ZFHX3: variants seen among roughly 807,000 people sequenced by gnomAD.
ZFHX3 encodes the protein zinc finger homeobox 3, also known as zinc finger homeobox protein 3.
A neutral mutation model predicts 279.1 loss-of-function variants in ZFHX3; 42 were observed. That is an observed-to-expected ratio of 0.15 (90% CI 0.12 to 0.19). The LOEUF (loss-of-function observed/expected upper bound fraction) is 0.19, where lower values mean the gene tolerates loss of function less well. Ranked by LOEUF, ZFHX3 falls within the 10% of genes least tolerant of loss-of-function variation. The pLI is 1.00. For missense variants in ZFHX3, 4,981 were observed against 4,754.0 expected (o/e 1.05, Z -1.40); for synonymous variants, 2,293 against 1,957.8 (o/e 1.17, Z -4.52).
chr16:73,555,304 G>A (rs1042280176), intron 2 of ZFHX3, among the ~76,000 whole-genome samples: 2 of 151,882 alleles, frequency 1.3e-5, no homozygotes, highest in Non-Finnish European at 2.9e-5. Context: ...ACAGGCACCC[G>A]CCACCACACC....
chr16:73,559,044 T>TG (rs1555524768), intron 2 of ZFHX3, among the ~76,000 whole-genome samples: 30 of 149,482 alleles, frequency 2.0e-4, no homozygotes, highest in East Asian at 9.9e-4. Context: ...ACTCCTCTTT[T>TG]TGTGTGTGTG....
chr16:73,699,851 A>G (rs1166619315), intron 1 of ZFHX3, among the ~76,000 whole-genome samples: 1 of 152,190 alleles, frequency 6.6e-6, no homozygotes, highest in African/African-American at 2.4e-5. Flanking sequence ...GAGACAGAAA[A>G]AGACCACAGG....
At chr16:72,807,748 C>T (rs1471572634) in intron 7 of ZFHX3, 3 of 152,062 alleles carry the variant, frequency 2.0e-5, no homozygotes, top group African/African-American at 4.8e-5. Flanking sequence ...CTGTAAATAC[C>T]CCGGACACAC....
At chr16:73,705,398 C>T (rs910183451) in intron 1 of ZFHX3, among the ~76,000 whole-genome samples, 1 of 152,116 alleles carries the variant, frequency 6.6e-6, no homozygotes, top group African/African-American at 2.4e-5. Flanking sequence ...GCAAAGTAAA[C>T]CCCAAAGGCC....
intron 4 of ZFHX3, among the ~76,000 whole-genome samples, chr16:73,273,557 C>G (rs2014210113): frequency 6.6e-6 from 1 of 152,122 alleles, no homozygotes; most frequent in Non-Finnish European, 1.5e-5. Context: ...ACGCAAAGGA[C>G]TCATACTGAA....
At chr16:72,810,805 A>G (rs915887047) in intron 7 of ZFHX3, among the ~76,000 whole-genome samples, 1 of 152,150 alleles carries the variant, frequency 6.6e-6, no homozygotes, top group African/African-American at 2.4e-5. Context: ...CTCCTTACAA[A>G]TGGCATCAAG....
chr16:72,836,466 A>G (rs1050451833), intron 4 of ZFHX3, among the ~76,000 whole-genome samples: 2 of 152,228 alleles, frequency 1.3e-5, no homozygotes, highest in Non-Finnish European at 2.9e-5. Flanking sequence ...CTTCTGGGTA[A>G]CAATGCCCTG....
chr16:73,654,853 A>ATT, intron 2 of ZFHX3, among the ~76,000 whole-genome samples: 1 of 89,504 alleles, frequency 1.1e-5, no homozygotes, highest in Non-Finnish European at 2.1e-5. Context: ...GATAGTAATC[A>ATT]CTTTTTTTTT....
chr16:72,837,493 T>C (rs991090370), intron 4 of ZFHX3, among the ~76,000 whole-genome samples: 22 of 151,100 alleles, frequency 1.5e-4, no homozygotes, highest in Non-Finnish European at 2.9e-4. Flanking sequence ...TTTTTTTTTT[T>C]TTTGAGACGG....
intron 5 of ZFHX3, among the ~76,000 whole-genome samples, chr16:73,234,548 C>T (rs928577428): frequency 3.9e-5 from 6 of 152,140 alleles, no homozygotes; most frequent in African/African-American, 9.7e-5. Context: ...GCCAGGCGGG[C>T]GGGGATTGCT....
intron 7 of ZFHX3, among the ~76,000 whole-genome samples, chr16:73,113,410 T>C (rs926542955): frequency 2.0e-5 from 3 of 152,174 alleles, no homozygotes; most frequent in African/African-American, 4.8e-5. Context: ...CCAGCTTTCA[T>C]AAAGCTGCCT....
chr16:73,713,919 T>C (rs1453573591), intron 1 of ZFHX3, among the ~76,000 whole-genome samples: 1 of 152,124 alleles, frequency 6.6e-6, no homozygotes, highest in Non-Finnish European at 1.5e-5. Context: ...GAAAACCAAT[T>C]CACAGCCTTG....
intron 1 of ZFHX3, among the ~76,000 whole-genome samples, chr16:73,847,686 G>A (rs1296502737): frequency 6.6e-6 from 1 of 152,018 alleles, no homozygotes; most frequent in African/African-American, 2.4e-5. Flanking sequence ...ATTTGACAAT[G>A]TATAGGAAGT....
At chr16:72,877,875 G>A (rs1416734281) in intron 4 of ZFHX3, among the ~76,000 whole-genome samples, 8 of 152,224 alleles carry the variant, frequency 5.3e-5, no homozygotes, top group Non-Finnish European at 7.3e-5. Flanking sequence ...TGGGGGCCAC[G>A]GGTTGAGTGG....
At chr16:73,005,213 G>A (rs932463676) in intron 1 of ZFHX3, among the ~76,000 whole-genome samples, 4 of 152,180 alleles carry the variant, frequency 2.6e-5, no homozygotes, top group South Asian at 2.1e-4. Flanking sequence ...ATAAAGTCTT[G>A]GTCTGGTGCA....
intron 1 of ZFHX3, among the ~76,000 whole-genome samples, chr16:73,710,604 G>C (rs923101522): frequency 5.9e-5 from 9 of 152,222 alleles, no homozygotes; most frequent in South Asian, 2.1e-4. Context: ...AACCTCCATG[G>C]AATGTAGAGA....
At chr16:73,525,392 C>T (rs1041216797) in intron 2 of ZFHX3, among the ~76,000 whole-genome samples, 22 of 152,128 alleles carry the variant, frequency 1.4e-4, no homozygotes, top group Admixed American at 1.4e-3. Context: ...AATGAGAAGA[C>T]CCTCCCTCTT....
chr16:73,268,599 T>C (rs1567435433), intron 4 of ZFHX3, among the ~76,000 whole-genome samples: 1 of 152,224 alleles, frequency 6.6e-6, no homozygotes, highest in Non-Finnish European at 1.5e-5. Flanking sequence ...CCGTGGTAAA[T>C]GCCTTGTGCT....
Position 72,797,413 on chromosome 16 carries a change from G to A in ZFHX3, c.5269C>T (p.Gln1757Ter), listed in dbSNP as rs2143450926. 1 of 1,612,160 alleles carries A rather than the reference G, an allele frequency of 6.2e-7. No individual in the cohort carries two copies. Among genetic ancestry groups the A allele is most frequent in the Non-Finnish European group, 8.5e-7 (1 of 1,179,152 alleles). Residue 1757 changes from glutamine to a stop codon, truncating the protein, a stop_gained, in exon 9 of 10, where the codon CAG (glutamine) becomes TAG (stop). Coordinates refer to ENST00000268489, the MANE Select transcript of ZFHX3 (RefSeq NM_006885.4). LOFTEE classifies it high-confidence loss of function. ...GCAGCCTGTTGCTGCAGCTCCTGCT[G>A]CAGGTGAGCTTGAACTTGAGCCTGG... ...QAQAQVQAHL[Q>*]QELQQQAALI...
Sources: allele counts gnomAD v4.1 joint callset (sites outside exome capture counted in the v4.1 genomes callset), GRCh38; gene constraint gnomAD v4.1.1; transcripts MANE v1.5; gene names NCBI Gene and HGNC (gene_info 2026-07-23, HGNC 2026-07-21).